Variants in ZNF169 observed in about 807,000 individuals in gnomAD.
ZNF169 encodes the protein zinc finger protein 169.
ZNF169 carries 11 observed loss-of-function variants against 12.0 expected under a neutral mutation model. The observed-to-expected ratio is 0.92, with a 90% CI of 0.58 to 1.52. The LOEUF (loss-of-function observed/expected upper bound fraction) is 1.52, where lower values mean the gene tolerates loss of function less well. Among genes scored for constraint, ZNF169 ranks in the 40% most tolerant of loss-of-function variants. The pLI, the probability that ZNF169 is intolerant of heterozygous loss-of-function variation, is 0.00. For synonymous variants in ZNF169, 302 were observed against 286.5 expected (o/e 1.05, Z -0.55); for missense variants, 722 against 744.0 (o/e 0.97, Z 0.34).
At chr9:94,277,942 AG>A (rs59879683) in intron 1 of ZNF169, among the ~76,000 whole-genome samples, 27,248 of 143,160 alleles carry the variant, frequency 0.19, 2,797 homozygotes, top group Middle Eastern at 0.28. Context: ...AAAAAAAAAA[AG>A]AAAAAAGAAA....
chr9:94,273,346 C>G (rs969562540), intron 1 of ZNF169, among the ~76,000 whole-genome samples: 5 of 151,324 alleles, frequency 3.3e-5, no homozygotes, highest in African/African-American at 1.2e-4. Flanking sequence ...TTTATAGTTT[C>G]AGGTCTAGGG....
chr9:94,269,646 G>A (rs1830356662), intron 1 of ZNF169, among the ~76,000 whole-genome samples: 1 of 152,200 alleles, frequency 6.6e-6, no homozygotes, highest in Non-Finnish European at 1.5e-5. Flanking sequence ...ATAACGAGAT[G>A]CAGATAAACT....
intron 4 of ZNF169, among the ~76,000 whole-genome samples, chr9:94,297,321 T>G (rs569209208): frequency 6.6e-6 from 1 of 151,968 alleles, no homozygotes; most frequent in Non-Finnish European, 1.5e-5. Context: ...TTTTGTCATT[T>G]CTGGTATACA....
chr9:94,293,566 C>T (rs552771623), intron 4 of ZNF169: 36 of 176,956 alleles, frequency 2.0e-4, no homozygotes, highest in African/African-American at 8.2e-4. Flanking sequence ...TACAGGTGCC[C>T]GCCATCATGC....
At chr9:94,278,940 C>A in intron 2 of ZNF169, 95 bp downstream of exon 2, 2 of 1,303,720 alleles carry the variant, frequency 1.5e-6, no homozygotes, top group Non-Finnish European at 2.2e-6. Context: ...CAAAGCCTAT[C>A]TTGATCTTGT....
chr9:94,280,764 A>T (rs1048372162), intron 2 of ZNF169, among the ~76,000 whole-genome samples: 1 of 152,060 alleles, frequency 6.6e-6, no homozygotes, highest in Non-Finnish European at 1.5e-5. Context: ...CCAGTTGGCT[A>T]TTTTAAAGAG....
chr9:94,260,769 T>C, intron 1 of ZNF169, among the ~76,000 whole-genome samples: 1 of 150,876 alleles, frequency 6.6e-6, no homozygotes. Flanking sequence ...CTTGAATTCC[T>C]GGAGGTGGGG....
intron 1 of ZNF169, among the ~76,000 whole-genome samples, chr9:94,270,356 ACT>A (rs972337038): frequency 2.4e-4 from 36 of 150,068 alleles, no homozygotes; most frequent in African/African-American, 7.6e-4. Context: ...CTTCTTTTCT[ACT>A]CTTTCTTCAC....
chr9:94,280,758 T>C (rs1830615892), intron 2 of ZNF169, among the ~76,000 whole-genome samples: 1 of 151,992 alleles, frequency 6.6e-6, no homozygotes, highest in African/African-American at 2.4e-5. Context: ...CTAATTCCAG[T>C]TGGCTATTTT....
Position 94,300,495 on chromosome 9 carries a change from T to G in ZNF169, c.937T>G (p.Ser313Ala). The change falls in exon 5 of 5, where the codon TCC becomes GCC. Residue 313 changes from serine to alanine, a missense_variant. Transcript: ENST00000395395. ...TCTCACTAATCACAAGAGGATTCAC[T>G]CCGGGGAGAGGCCCTTTGTATGTCA... ...SSLTNHKRIH[S>A]GERPFVCQEC... 1 of 1,613,946 alleles carries G rather than the reference T, an allele frequency of 6.2e-7. No individual in the cohort carries two copies. Among genetic ancestry groups the G allele is most frequent in the South Asian group, 1.1e-5 (1 of 91,072 alleles).
At chr9:94,283,035 TC>T (rs1830667896) in intron 2 of ZNF169, among the ~76,000 whole-genome samples, 1 of 152,172 alleles carries the variant, frequency 6.6e-6, no homozygotes, top group Non-Finnish European at 1.5e-5. Context: ...TGCGTTTTTG[TC>T]CTATGGATTT....
intron 1 of ZNF169, among the ~76,000 whole-genome samples, chr9:94,260,428 C>T (rs1478156858): frequency 6.6e-6 from 1 of 150,900 alleles, no homozygotes; most frequent in Non-Finnish European, 1.5e-5. Context: ...CACTAGGACC[C>T]GGGTTTGTGG....
At chr9:94,268,527 C>T (rs141667741) in intron 1 of ZNF169, among the ~76,000 whole-genome samples, 4 of 152,104 alleles carry the variant, frequency 2.6e-5, no homozygotes, top group Admixed American at 6.6e-5. Context: ...CAGTGTCTCA[C>T]GCCTGTAATC....
At chr9:94,299,590 C>G in intron 4 of ZNF169, 1 of 1,360,984 alleles carries the variant, frequency 7.3e-7, no homozygotes, top group Non-Finnish European at 9.4e-7. Flanking sequence ...CTACTTGCAG[C>G]AATTTATAGA....
chr9:94,300,575 G>C lies in ZNF169; in HGVS notation c.1017G>C (p.Thr339=). 1 of 1,613,284 alleles carries C rather than the reference G, an allele frequency of 6.2e-7. No homozygotes were observed. Among genetic ancestry groups the C allele is most frequent in the Non-Finnish European group, 8.5e-7 (1 of 1,179,758 alleles). ...QKIALLLHQR[T]HLEEKPFVCP... is the part of the protein sequence containing the mutation. ...TAGCCCTCCTTCTACACCAGAGGAC[G>C]CACTTGGAGGAGAAGCCCTTCGTGT... The change falls in exon 5 of 5, where the codon ACG becomes ACC. Residue 339 remains threonine, a synonymous_variant. Transcript: ENST00000395395.
intron 1 of ZNF169, among the ~76,000 whole-genome samples, chr9:94,276,317 G>A (rs149491838): frequency 6.6e-5 from 10 of 152,056 alleles, no homozygotes; most frequent in African/African-American, 2.4e-4. Context: ...CCAGGCTAGA[G>A]TGCAATGGCG....
chr9:94,264,373 T>C (rs1240268924), intron 1 of ZNF169, among the ~76,000 whole-genome samples: 1 of 152,204 alleles, frequency 6.6e-6, no homozygotes, highest in Non-Finnish European at 1.5e-5. Flanking sequence ...CCTCAAGTGA[T>C]CTGTCCACCT....
intron 1 of ZNF169, among the ~76,000 whole-genome samples, chr9:94,263,453 C>T (rs1452335554): frequency 6.7e-6 from 1 of 149,998 alleles, no homozygotes; most frequent in Non-Finnish European, 1.5e-5. Context: ...CATTCATTTT[C>T]TTTCAACTGA....
chr9:94,270,738 T>A (rs1213912636), intron 1 of ZNF169, among the ~76,000 whole-genome samples: 3 of 70,646 alleles, frequency 4.2e-5, no homozygotes, highest in East Asian at 4.7e-4. Flanking sequence ...ATTATATAAT[T>A]AATGTATTTA....
Sources: gnomAD v4.1 joint callset for allele counts (sites outside exome capture counted in the v4.1 genomes callset) on GRCh38, gnomAD v4.1.1 for gene constraint, MANE v1.5 for transcripts, NCBI Gene and HGNC (gene_info 2026-07-23, HGNC 2026-07-21) for gene names.